Variants in NEK5 observed in about 807,000 individuals in gnomAD.
NEK5 encodes serine/threonine-protein kinase Nek5.
NEK5 carries 88 observed loss-of-function variants against 109.2 expected under a neutral mutation model. The ratio of observed to expected loss-of-function variants is 0.81; its 90% CI spans 0.68 to 0.96. The LOEUF is 0.96. Among genes scored for constraint, NEK5 ranks in the 40% least tolerant of loss-of-function variants. NEK5 has a pLI of 0.00. For synonymous variants in NEK5, 283 were observed against 299.9 expected (o/e 0.94, Z 0.58); for missense variants, 834 against 920.7 (o/e 0.91, Z 1.22).
intron 1 of NEK5, among the ~76,000 whole-genome samples, chr13:52,128,639 G>T (rs903077119): frequency 5.3e-5 from 8 of 152,132 alleles, no homozygotes; most frequent in Non-Finnish European, 7.4e-5. Context: ...TGCAGACACC[G>T]GAGGATCGGG....
chr13:52,108,763 A>C (rs1955700984), intron 7 of NEK5, among the ~76,000 whole-genome samples: 1 of 152,230 alleles, frequency 6.6e-6, no homozygotes, highest in Non-Finnish European at 1.5e-5. Context: ...GAAAAAAGTT[A>C]CCCAGAATCT....
intron 4 of NEK5, 25 bp from the exon 5 acceptor site, chr13:52,112,390 G>A (rs557667211): frequency 6.9e-7 from 1 of 1,443,120 alleles, no homozygotes; most frequent in African/African-American, 1.4e-5. Context: ...ATCATTTGGT[G>A]CTGGAAGGAT....
intron 3 of NEK5, 120 bp downstream of exon 3, chr13:52,127,245 CA>C: frequency 1.6e-6 from 1 of 627,328 alleles, no homozygotes. Flanking sequence ...GTTGAATTAA[CA>C]AAAATCAATT....
At chr13:52,101,601 C>A (rs1046732554) in intron 11 of NEK5, among the ~76,000 whole-genome samples, 1 of 152,128 alleles carries the variant, frequency 6.6e-6, no homozygotes, top group Admixed American at 6.6e-5. Context: ...TCATCCATGT[C>A]TATCTGCAAC....
At chr13:52,124,378 CAT>C (rs1455414230) in intron 3 of NEK5, among the ~76,000 whole-genome samples, 2 of 152,180 alleles carry the variant, frequency 1.3e-5, no homozygotes, top group Non-Finnish European at 2.9e-5. Context: ...TGTAGGTATA[CAT>C]ATATATGGAG....
At chr13:52,063,062 G>A (rs371534975) in intron 21 of NEK5, among the ~76,000 whole-genome samples, 4 of 148,374 alleles carry the variant, frequency 2.7e-5, no homozygotes, top group South Asian at 2.2e-4. Flanking sequence ...CTCTCCCCAC[G>A]GTCCCCCTCT....
chr13:52,090,623 A>C (rs1955259728), intron 13 of NEK5, among the ~76,000 whole-genome samples: 1 of 152,204 alleles, frequency 6.6e-6, no homozygotes, highest in Admixed American at 6.5e-5. Context: ...TGGCACATGT[A>C]TCAATATCTT....
intron 20 of NEK5, among the ~76,000 whole-genome samples, chr13:52,068,269 GAC>G (rs1381341701): frequency 3.3e-5 from 5 of 152,070 alleles, no homozygotes. Flanking sequence ...TTGGTCGTGA[GAC>G]AAAGAGTTCT....
chr13:52,059,986 A>C (rs972328534), intron 22 of NEK5, among the ~76,000 whole-genome samples: 1 of 151,420 alleles, frequency 6.6e-6, no homozygotes, highest in Admixed American at 6.6e-5. Flanking sequence ...TAATAATCAT[A>C]ATAATAATTA....
intron 21 of NEK5, among the ~76,000 whole-genome samples, chr13:52,062,604 A>T (rs1010047392): frequency 6.6e-5 from 10 of 151,992 alleles, no homozygotes; most frequent in Non-Finnish European, 4.4e-5. Flanking sequence ...TATTTTTAGT[A>T]GAGACAGGGT....
intron 21 of NEK5, among the ~76,000 whole-genome samples, chr13:52,063,355 G>A (rs1023986478): frequency 5.3e-5 from 8 of 152,240 alleles, no homozygotes; most frequent in Non-Finnish European, 5.9e-5. Flanking sequence ...GTTTGCAGAC[G>A]GAGTCTGGTT....
intron 20 of NEK5, among the ~76,000 whole-genome samples, chr13:52,066,251 T>C (rs1219927040): frequency 1.3e-5 from 2 of 152,196 alleles, no homozygotes; most frequent in African/African-American, 4.8e-5. Flanking sequence ...ATATAACTAA[T>C]CATTTCCTGC....
chr13:52,110,010 CA>C (rs1387359897), intron 7 of NEK5, among the ~76,000 whole-genome samples: 1 of 152,178 alleles, frequency 6.6e-6, no homozygotes, highest in African/African-American at 2.4e-5. Flanking sequence ...TAAATCTCTT[CA>C]AATATTTTAT....
At chr13:52,050,015 G>C (rs763265366) in intron 23 of NEK5, 89 bp downstream of exon 23, 1 of 287,818 alleles carries the variant, frequency 3.5e-6, no homozygotes, top group Non-Finnish European at 5.2e-6. Context: ...TTGTAGCCAG[G>C]TCTCAGTTGG....
intron 12 of NEK5, among the ~76,000 whole-genome samples, chr13:52,095,769 T>C (rs1241142404): frequency 6.6e-6 from 1 of 152,172 alleles, no homozygotes; most frequent in Non-Finnish European, 1.5e-5. Context: ...ACCGGTAGTA[T>C]AGCTATTCAG....
In NEK5 at chr13:52,087,417, T is replaced by G; in HGVS notation, c.1313A>C (p.Gln438Pro). The G allele has an allele frequency of 6.2e-7, 1 of 1,611,436 alleles. No individual in the cohort carries two copies. The highest frequency in any genetic ancestry group is 8.5e-7 in the Non-Finnish European group (1 of 1,178,014). The part of the protein sequence containing the change: ...RPSSAEPNYN[Q>P]RQELRSNGEE... ...TCCATTACTTCTTAGCTCTTGTCTC[T>G]GGTTGTAATTTGGCTCGGCAGAAGA... The change falls in exon 15 of 24, where the codon CAG (glutamine) becomes CCG (proline). Residue 438 changes from glutamine (Q) to proline (P), a missense_variant. Physicochemically the swap from Gln to Pro is moderately conservative, Grantham distance 76 (BLOSUM62 -1). Coordinates refer to ENST00000684899, the MANE Select transcript of NEK5 (RefSeq NM_001365552.1).
chr13:52,080,073 G>A (rs9568699), intron 17 of NEK5, among the ~76,000 whole-genome samples: 3 of 55,420 alleles, frequency 5.4e-5, no homozygotes, highest in Admixed American at 1.9e-4. Flanking sequence ...GCAGCCGCCC[G>A]GTCTGAGAAG....
At chr13:52,117,859 T>G (rs74087062) in intron 4 of NEK5, among the ~76,000 whole-genome samples, 28 of 152,240 alleles carry the variant, frequency 1.8e-4, no homozygotes, top group African/African-American at 6.5e-4. Flanking sequence ...TAAGTAGGAG[T>G]TAGCCAGAGA....
At chr13:52,039,918 G>T (rs1290242615) in intron 23 of NEK5, among the ~76,000 whole-genome samples, 1 of 151,936 alleles carries the variant, frequency 6.6e-6, no homozygotes, top group African/African-American at 2.4e-5. Context: ...CCTTTAGGAG[G>T]TGATGAGGTC....
Sources: allele counts gnomAD v4.1 joint callset (sites outside exome capture counted in the v4.1 genomes callset), GRCh38; gene constraint gnomAD v4.1.1; transcripts MANE v1.5; gene names NCBI Gene and HGNC (gene_info 2026-07-23, HGNC 2026-07-21).